Variants in TET1 observed in about 807,000 individuals in gnomAD.
TET1 encodes tet methylcytosine dioxygenase 1.
In TET1, 13 loss-of-function variants were observed where a neutral mutation model predicts 148.7. That is an observed-to-expected ratio of 0.09 (90% CI 0.06 to 0.14). TET1 has a LOEUF of 0.14. TET1 is among the 10% of genes least tolerant of loss of function. The probability of loss-of-function intolerance (pLI) is 1.00; values close to 1 mark genes in which losing one functional copy is unlikely to be tolerated. For missense variants in TET1, 2,182 were observed against 2,553.8 expected (o/e 0.85, Z 3.14); for synonymous variants, 907 against 937.2 (o/e 0.97, Z 0.59).
chr10:68,580,698 C>T (rs1018591862), intron 2 of TET1, among the ~76,000 whole-genome samples: 9 of 147,804 alleles, frequency 6.1e-5, no homozygotes, highest in Non-Finnish European at 1.3e-4. Flanking sequence ...AGGAGAATGG[C>T]GTGAACCCAG....
intron 10 of TET1, among the ~76,000 whole-genome samples, chr10:68,685,173 C>G (rs2055492752): frequency 6.6e-6 from 1 of 152,158 alleles, no homozygotes; most frequent in African/African-American, 2.4e-5. Flanking sequence ...GAGAAACACT[C>G]AAACCCAGGA....
intron 8 of TET1, among the ~76,000 whole-genome samples, chr10:68,676,268 A>ATTTT (rs1217792442): frequency 5.6e-5 from 2 of 36,002 alleles, no homozygotes; most frequent in African/African-American, 1.3e-4. Context: ...ATATATATAT[A>ATTTT]TTTTTTTTTT....
intron 3 of TET1, chr10:68,632,223 G>A: frequency 1.5e-6 from 1 of 660,622 alleles, no homozygotes; most frequent in South Asian, 1.9e-5. Context: ...TCAGGAGGCT[G>A]AGGCAGGAGA....
At chr10:68,632,418 T>TA in intron 3 of TET1, 1 of 1,611,960 alleles carries the variant, frequency 6.2e-7, no homozygotes, top group Non-Finnish European at 8.5e-7. Flanking sequence ...GGAAGTCCCT[T>TA]AAGCTCCTAG....
chr10:68,669,634 G>T (rs779596488), intron 7 of TET1, among the ~76,000 whole-genome samples: 2 of 151,346 alleles, frequency 1.3e-5, no homozygotes, highest in Non-Finnish European at 2.9e-5. Context: ...GATTACAGGC[G>T]TGAGCCACCA....
At chr10:68,602,304 A>G (rs1368553441) in intron 3 of TET1, among the ~76,000 whole-genome samples, 1 of 152,156 alleles carries the variant, frequency 6.6e-6, no homozygotes. Context: ...ATCGACCCCC[A>G]TTTATTCCTT....
intron 6 of TET1, among the ~76,000 whole-genome samples, chr10:68,663,680 T>C (rs1418695979): frequency 1.3e-5 from 2 of 152,226 alleles, no homozygotes; most frequent in Non-Finnish European, 2.9e-5. Context: ...TAATTAAATG[T>C]CACTATAGTA....
chr10:68,622,224 TCCTTCCTCCCTTCCC>T (rs2054386632), intron 3 of TET1, among the ~76,000 whole-genome samples: 31 of 73,228 alleles, frequency 4.2e-4, no homozygotes, highest in African/African-American at 1.5e-3. Flanking sequence ...CTTCCTTCCC[TCCTTCCTCCCTTCCC>T]TCCCTCCCTC....
At position 68,595,612 on chromosome 10, in the gene TET1, C is replaced by CTTTTTTTTTTTTTT. The variant is rs71470530; in HGVS notation, c.1915-5360_1915-5347dup. ...CACAACACACACACACACACAGCTT[C>CTTTTTTTTTTTTTT]TTTTTTTTTTTTTTTTTTTTTTGAG... is the stretch of plus-strand genomic sequence containing the variant. On this transcript the variant is annotated intron_variant, in intron 2 of 11. Transcript: ENST00000373644. Among the ~76,000 whole-genome samples the CTTTTTTTTTTTTTT allele has an allele frequency of 3.4e-3, 263 of 76,492 alleles. 18 individuals carry two copies. Among genetic ancestry groups the CTTTTTTTTTTTTTT allele is most frequent in the East Asian group, 0.017 (43 of 2,606 alleles). The allele number at this position is 76,492 out of a possible 152,430, so 50.2% of individuals were successfully genotyped here.
intron 2 of TET1, among the ~76,000 whole-genome samples, chr10:68,584,125 C>T (rs577128307): frequency 6.5e-4 from 99 of 151,394 alleles, no homozygotes; most frequent in African/African-American, 1.5e-3. Flanking sequence ...CTGCAACCTC[C>T]GCCTCCCAGG....
chr10:68,628,580 C>T (rs1203146891), intron 3 of TET1, among the ~76,000 whole-genome samples: 2 of 152,132 alleles, frequency 1.3e-5, no homozygotes, highest in African/African-American at 2.4e-5. Flanking sequence ...TGATAGAGAG[C>T]TGTGTAGGGA....
chr10:68,617,993 C>T (rs1230533621), intron 3 of TET1, among the ~76,000 whole-genome samples: 3 of 150,964 alleles, frequency 2.0e-5, no homozygotes, highest in African/African-American at 7.3e-5. Context: ...ACAATTATGG[C>T]TCATTGTAGC....
At chr10:68,663,711 A>T (rs1015251017) in intron 6 of TET1, among the ~76,000 whole-genome samples, 1 of 152,196 alleles carries the variant, frequency 6.6e-6, no homozygotes, top group African/African-American at 2.4e-5. Context: ...TTAGGAATAG[A>T]TAGTATATTT....
intron 3 of TET1, among the ~76,000 whole-genome samples, chr10:68,626,783 C>T (rs935734922): frequency 5.3e-5 from 8 of 152,126 alleles, no homozygotes; most frequent in African/African-American, 1.7e-4. Context: ...AACTCCTGAC[C>T]TCAAGTGATC....
chr10:68,683,302 G>A (rs1297114981), intron 10 of TET1, among the ~76,000 whole-genome samples: 7 of 151,938 alleles, frequency 4.6e-5, no homozygotes, highest in South Asian at 2.1e-4. Flanking sequence ...TTTTTGAGAC[G>A]GAGTCTCACT....
chr10:68,640,386 T>C (rs2054727826), intron 3 of TET1, among the ~76,000 whole-genome samples: 1 of 146,304 alleles, frequency 6.8e-6, no homozygotes. Flanking sequence ...GCCTCAGCCT[T>C]CCGAGTTGCT....
At position 68,672,832 on chromosome 10, in the gene TET1, A is replaced by G; in HGVS notation, c.4674-63A>G. 6 of 1,466,638 alleles carry G rather than the reference A, an allele frequency of 4.1e-6. No individual in the cohort carries two copies. The Admixed American group carries it at 5.4e-5, about 13-fold the overall frequency. 90.9% of individuals were successfully genotyped at this position (1,466,638 alleles called of 1,614,324 possible). A position where few individuals can be genotyped will look rare whatever the true frequency, so the allele number is the denominator to read the frequency against. On this transcript the variant is annotated intron_variant, in intron 7 of 11. Coordinates refer to ENST00000373644, the MANE Select transcript of TET1 (RefSeq NM_030625.3). ...TCCTTCTAAAGCTATAGAAACCTGA[A>G]ATGTTCTCTCTGAGGTATTGTAATG...
In TET1 at chr10:68,561,770, A is replaced by G. The variant is rs2053557549; in HGVS notation, c.-123+1028A>G. Reference sequence around the variant, plus strand: ...TTGAATATATATATATATATATTCTACAAGAAGTGGTCTGGAAGGGACTGG... The same window carrying G: ...TTGAATATATATATATATATATTCTGCAAGAAGTGGTCTGGAAGGGACTGG... On this transcript the variant is annotated intron_variant, in intron 1 of 11. Coordinates refer to ENST00000373644, the MANE Select transcript of TET1 (RefSeq NM_030625.3). 2.1e-5 allele frequency among the ~76,000 whole-genome samples: 3 copies of G among 141,792 alleles called. No homozygotes were observed. In the Admixed American group the frequency reaches 2.3e-4, roughly 11 times the overall value. 93.0% of individuals were successfully genotyped at this position (141,792 alleles called of 152,430 possible).
rs139770615 is a variant in TET1 at position 68,639,445 on chromosome 10, TTACTAC to T, written c.1969-5235_1969-5230del. The stretch of plus-strand genomic sequence containing the variant: ...TCAAAGATTACTATTACTATTATTA[TTACTAC>T]TACTACTACTACTACTATTATTATT... On this transcript the variant is annotated intron_variant, in intron 3 of 11. Transcript: ENST00000373644. 5.9e-3 allele frequency among the ~76,000 whole-genome samples: 775 copies of T among 132,144 alleles called. 8 individuals are homozygous for T. The highest frequency in any genetic ancestry group is 8.0e-3 in the Non-Finnish European group (486 of 60,482). The allele number at this position is 132,144 out of a possible 152,430, so 86.7% of individuals were successfully genotyped here. A position where few individuals can be genotyped will look rare whatever the true frequency, so the allele number is the denominator to read the frequency against.
Sources: gnomAD v4.1 joint callset for allele counts (sites outside exome capture counted in the v4.1 genomes callset) on GRCh38, gnomAD v4.1.1 for gene constraint, MANE v1.5 for transcripts, NCBI Gene and HGNC (gene_info 2026-07-23, HGNC 2026-07-21) for gene names.